Variants in ATP8A2 observed in about 807,000 individuals in gnomAD.
ATP8A2 encodes ATPase phospholipid transporting 8A2, also known as phospholipid-transporting ATPase IB.
ATP8A2 carries 100 observed loss-of-function variants against 165.6 expected under a neutral mutation model. The observed-to-expected ratio is 0.60, with a 90% CI of 0.51 to 0.71. ATP8A2 has a LOEUF of 0.71. Ranked by LOEUF, ATP8A2 falls within the 30% of genes least tolerant of loss-of-function variation. The probability of loss-of-function intolerance (pLI) is 0.00; values close to 1 mark genes in which losing one functional copy is unlikely to be tolerated. For missense variants in ATP8A2, 1,227 were observed against 1,479.5 expected (o/e 0.83, Z 2.80); for synonymous variants, 543 against 548.8 (o/e 0.99, Z 0.15).
intron 1 of ATP8A2, among the ~76,000 whole-genome samples, chr13:25,434,866 G>C (rs1176407982): frequency 6.6e-6 from 1 of 152,130 alleles, no homozygotes; most frequent in East Asian, 1.9e-4. Flanking sequence ...TGTTCTATTG[G>C]TATGGACATA....
chr13:25,554,200 G>T (rs897549806), intron 12 of ATP8A2, among the ~76,000 whole-genome samples: 2 of 152,118 alleles, frequency 1.3e-5, no homozygotes, highest in African/African-American at 4.8e-5. Flanking sequence ...TGCTATTCAC[G>T]CTTTTAACAT....
chr13:25,593,161 A>T (rs1018548038), intron 24 of ATP8A2, among the ~76,000 whole-genome samples: 5 of 152,160 alleles, frequency 3.3e-5, no homozygotes, highest in African/African-American at 1.2e-4. Flanking sequence ...AATAAAGTAG[A>T]TATACAGTAG....
intron 33 of ATP8A2, among the ~76,000 whole-genome samples, chr13:25,942,056 A>G (rs1428478593): frequency 1.1e-4 from 16 of 152,126 alleles, no homozygotes; most frequent in Non-Finnish European, 2.9e-5. Flanking sequence ...CTTTAAATAG[A>G]TTGTATTATA....
At chr13:25,939,005 G>T (rs1369087223) in intron 33 of ATP8A2, among the ~76,000 whole-genome samples, 2 of 152,068 alleles carry the variant, frequency 1.3e-5, no homozygotes, top group Non-Finnish European at 2.9e-5. Context: ...ACCACGCCCG[G>T]CTAATTGTTG....
intron 1 of ATP8A2, among the ~76,000 whole-genome samples, chr13:25,397,855 T>C (rs963862547): frequency 1.3e-5 from 2 of 152,186 alleles, no homozygotes. Flanking sequence ...AGTGGGGGCT[T>C]CCAAGTCATA....
chr13:25,837,566 C>T (rs762491805), intron 29 of ATP8A2, among the ~76,000 whole-genome samples: 15 of 152,042 alleles, frequency 9.9e-5, no homozygotes, highest in Non-Finnish European at 2.1e-4. Context: ...CTCCTTCCCG[C>T]TTCTCCCCGT....
At chr13:25,672,840 G>A (rs914241536) in intron 24 of ATP8A2, among the ~76,000 whole-genome samples, 5 of 152,138 alleles carry the variant, frequency 3.3e-5, no homozygotes, top group African/African-American at 9.7e-5. Context: ...CTGTGAACAT[G>A]CTTATTTGAG....
At chr13:25,404,670 G>A (rs2033743560) in intron 1 of ATP8A2, among the ~76,000 whole-genome samples, 1 of 152,116 alleles carries the variant, frequency 6.6e-6, no homozygotes, top group South Asian at 2.1e-4. Flanking sequence ...CTGGGTGGGT[G>A]CAGAACGCGG....
intron 1 of ATP8A2, among the ~76,000 whole-genome samples, chr13:25,399,397 C>CTTCTTT (rs1555264877): frequency 7.0e-4 from 52 of 74,060 alleles, no homozygotes; most frequent in African/African-American, 1.9e-3. Context: ...AGTGGTTCTT[C>CTTCTTT]TTTTTTTTTT....
At chr13:25,431,019 T>TACACAC (rs1407054823) in intron 1 of ATP8A2, among the ~76,000 whole-genome samples, 29 of 151,256 alleles carry the variant, frequency 1.9e-4, no homozygotes, top group African/African-American at 6.5e-4. Context: ...CACATATATA[T>TACACAC]ACACACACAC....
At chr13:25,532,806 A>G (rs1301476300) in intron 5 of ATP8A2, among the ~76,000 whole-genome samples, 1 of 152,046 alleles carries the variant, frequency 6.6e-6, no homozygotes, top group Non-Finnish European at 1.5e-5. Flanking sequence ...AGCTGGGACT[A>G]CAGGCAAGCA....
intron 4 of ATP8A2, among the ~76,000 whole-genome samples, chr13:25,531,267 A>C (rs1317751909): frequency 4.8e-5 from 5 of 105,052 alleles, no homozygotes; most frequent in African/African-American, 1.5e-4. Flanking sequence ...TATATGATAT[A>C]TATGATATAT....
chr13:25,504,512 G>C (rs1295258069), intron 2 of ATP8A2, among the ~76,000 whole-genome samples: 1 of 146,316 alleles, frequency 6.8e-6, no homozygotes, highest in African/African-American at 2.5e-5. Flanking sequence ...AGGCCGAGGC[G>C]GGTGGATCAT....
intron 33 of ATP8A2, among the ~76,000 whole-genome samples, chr13:25,868,727 C>T (rs770306211): frequency 1.3e-5 from 2 of 152,112 alleles, no homozygotes; most frequent in Non-Finnish European, 2.9e-5. Flanking sequence ...GTCCCCCATC[C>T]GTGTGCATTT....
intron 35 of ATP8A2, among the ~76,000 whole-genome samples, chr13:26,006,991 T>TA (rs576126332): frequency 4.3e-4 from 62 of 144,676 alleles, no homozygotes; most frequent in South Asian, 1.3e-3. Context: ...ATTCTCTCTT[T>TA]AAAAAAAAAA....
chr13:25,620,350 G>C (rs1364143925), intron 24 of ATP8A2, among the ~76,000 whole-genome samples: 1 of 152,120 alleles, frequency 6.6e-6, no homozygotes, highest in Admixed American at 6.6e-5. Flanking sequence ...TGCCAACCCA[G>C]AGCTTTATAG....
In ATP8A2 at chr13:25,953,523, A is replaced by T. The variant is rs9553680; in HGVS notation, c.3184-8052A>T. Among the ~76,000 whole-genome samples, 1,044 of 46,744 alleles carry T rather than the reference A, an allele frequency of 0.022. 6 individuals are homozygous for T. The highest frequency in any genetic ancestry group is 0.034 in the African/African-American group (622 of 18,364). 30.7% of individuals were successfully genotyped at this position (46,744 alleles called of 152,430 possible). On this transcript the variant is annotated intron_variant, in intron 33 of 36. Transcript: ENST00000381655. The surrounding 1 kb of genome is among the most constrained non-coding windows in gnomAD (Gnocchi z 6.7). ...TAGCCCTGGTTACTCCAGCCTTTTT[A>T]AAAAAAAAAAAAAAAAAAAAAAAGC...
intron 1 of ATP8A2, among the ~76,000 whole-genome samples, chr13:25,415,814 T>G (rs753702963): frequency 1.3e-5 from 2 of 152,134 alleles, no homozygotes; most frequent in Non-Finnish European, 2.9e-5. Flanking sequence ...CTTAGTCACT[T>G]GGTCCCTCTC....
At chr13:25,559,870 C>CTCCATCCTGTGCAAT in intron 15 of ATP8A2, 105 bp downstream of exon 15, 1 of 846,306 alleles carries the variant, frequency 1.2e-6, no homozygotes. Context: ...CTCTATTGCA[C>CTCCATCCTGTGCAAT]AGGATGGAGT....
Sources: gnomAD v4.1 joint callset for allele counts (sites outside exome capture counted in the v4.1 genomes callset) on GRCh38, gnomAD v4.1.1 for gene constraint, Gnocchi (gnomAD v3.1) non-coding constraint, MANE v1.5 for transcripts, NCBI Gene and HGNC (gene_info 2026-07-23, HGNC 2026-07-21) for gene names.